The following POLQ variants were observed in gnomAD, a reference collection of about 807,000 sequenced individuals.
The protein encoded by POLQ is DNA polymerase theta.
A neutral mutation model predicts 259.2 loss-of-function variants in POLQ; 233 were observed. The ratio of observed to expected loss-of-function variants is 0.90; its 90% CI spans 0.81 to 1.00. The LOEUF (loss-of-function observed/expected upper bound fraction) is 1.00. Among genes scored for constraint, POLQ ranks in the 50% least tolerant of loss-of-function variants. The pLI is 0.00. For synonymous variants in POLQ, 1,025 were observed against 1,048.8 expected (o/e 0.98, Z 0.44); for missense variants, 2,871 against 3,051.6 (o/e 0.94, Z 1.39).
At chr3:121,525,707 C>T (rs1269657104) in intron 7 of POLQ, among the ~76,000 whole-genome samples, 1 of 152,158 alleles carries the variant, frequency 6.6e-6, no homozygotes, top group Non-Finnish European at 1.5e-5. Flanking sequence ...AATTAGAATC[C>T]TGCCAAATTG....
intron 19 of POLQ, among the ~76,000 whole-genome samples, chr3:121,476,999 G>A (rs1032604697): frequency 1.3e-5 from 2 of 152,194 alleles, no homozygotes; most frequent in African/African-American, 4.8e-5. Flanking sequence ...ACAAGAGACT[G>A]TATTTCTCCT....
At chr3:121,527,089 C>A (rs758571657) in intron 7 of POLQ, among the ~76,000 whole-genome samples, 1 of 151,852 alleles carries the variant, frequency 6.6e-6, no homozygotes, top group Non-Finnish European at 1.5e-5. Flanking sequence ...GAGATGGAGT[C>A]TCGCTCCATC....
chr3:121,502,324 C>T (rs1020059202), intron 12 of POLQ, among the ~76,000 whole-genome samples: 4 of 152,132 alleles, frequency 2.6e-5, no homozygotes, highest in Non-Finnish European at 5.9e-5. Flanking sequence ...GTGCTTCAGC[C>T]TCCTGAGTAG....
At chr3:121,481,952 G>C in intron 18 of POLQ, 140 bp from the exon 19 acceptor site, 3 of 732,206 alleles carry the variant, frequency 4.1e-6, no homozygotes, top group Non-Finnish European at 6.5e-6. Context: ...GTCTTCCCAG[G>C]AAAGAAGGAA....
At chr3:121,445,479 C>A (rs2047624950) in intron 26 of POLQ, among the ~76,000 whole-genome samples, 1 of 152,138 alleles carries the variant, frequency 6.6e-6, no homozygotes. Context: ...TGTGCTGTCT[C>A]CTTTTTCATT....
In POLQ at chr3:121,483,444, T is replaced by C. The variant is rs769321554; in HGVS notation, c.5912A>G (p.Tyr1971Cys). ...SVVIYDFIQS[Y>C]KILLLSCGIS... ...GCCACAAGAAAGAAGAAGAATTTTA[T>C]AGCTCTGGATGAAGTCATAGATGAC... The change falls in exon 18 of 30, where the codon TAT becomes TGT. Residue 1971 changes from tyrosine to cysteine, a missense_variant. By Grantham distance (194) the Tyr-to-Cys change is radical (BLOSUM62 -2). This residue lies in a region of POLQ where 2,080 missense variants were observed against 2,126.0 expected (regional missense o/e 0.98). Coordinates refer to ENST00000264233, the MANE Select transcript of POLQ (RefSeq NM_199420.4). 5 of 1,595,422 alleles carry C rather than the reference T, an allele frequency of 3.1e-6. No individual in the cohort carries two copies. The highest frequency in any genetic ancestry group is 2.3e-5 in the South Asian group (2 of 86,194).
rs766864085 is a variant in POLQ at position 121,545,790 on chromosome 3, T to C, written c.88A>G (p.Ser30Gly). The C allele has an allele frequency of 8.7e-6, 14 of 1,611,308 alleles. No homozygotes were observed. The African/African-American group carries it at 1.6e-4, about 18-fold the overall frequency. ...FSGSGGDSSA[S>G]PQFLSGSVLS... ...ACGGACCCGGAGAGGAACTGGGGGCTGGCACTGCTGTCACCGCCGCTTCCC... is the reference window on the plus strand; with the variant it reads ...ACGGACCCGGAGAGGAACTGGGGGCCGGCACTGCTGTCACCGCCGCTTCCC... Residue 30 changes from serine (S) to glycine (G), a missense_variant, in exon 1 of 30, where the codon AGC (serine) becomes GGC (glycine). By Grantham distance (56) the Ser-to-Gly change is moderately conservative (BLOSUM62 0). This residue lies in a region of POLQ where 783 missense variants were observed against 906.2 expected (regional missense o/e 0.86). Coordinates refer to ENST00000264233, the MANE Select transcript of POLQ (RefSeq NM_199420.4).
rs1336704413 is a variant in POLQ at position 121,509,654 on chromosome 3, TGAA to T, written c.1863_1865del (p.Ser622del). On this transcript the variant is annotated inframe_deletion, in exon 12 of 30. Transcript: ENST00000264233. Reference sequence around the variant, plus strand: ...TATCTAAAGTATCAGCTGGAGAAAGTGAAGAAGAAAGAGTGGCCGAACCAAGAT... The same window carrying T: ...TATCTAAAGTATCAGCTGGAGAAAGTGAAGAAAGAGTGGCCGAACCAAGAT... 1 of 1,613,800 alleles carries T rather than the reference TGAA, an allele frequency of 6.2e-7. No individual in the cohort carries two copies.
intron 6 of POLQ, among the ~76,000 whole-genome samples, chr3:121,530,846 C>T (rs1312587423): frequency 3.9e-5 from 6 of 152,104 alleles, no homozygotes; most frequent in Non-Finnish European, 7.4e-5. Flanking sequence ...AAAGCTCTAC[C>T]CTCATAATGT....
rs566370751 is a variant in POLQ, at chr3:121,481,884, G to A, written c.5971-72C>T. 229 of 1,348,482 alleles carry A rather than the reference G, an allele frequency of 1.7e-4. 1 individual carries two copies. The highest frequency in any genetic ancestry group is 2.3e-4 in the Non-Finnish European group (224 of 989,308). The allele number at this position is 1,348,482 out of a possible 1,614,324, so 83.5% of individuals were successfully genotyped here. On this transcript the variant is annotated intron_variant, in intron 18 of 29. Transcript: ENST00000264233. ...CACTTATGTACCTCTAAATGAAAAG[G>A]GAAAAAAACAAAGCTCATTTCTAAC...
intron 25 of POLQ, among the ~76,000 whole-genome samples, chr3:121,454,910 C>A (rs140568483): frequency 2.6e-5 from 4 of 152,290 alleles, no homozygotes; most frequent in African/African-American, 9.6e-5. Flanking sequence ...ACTCTCCACC[C>A]CAAATCAATA....
chr3:121,455,002 T>C lies in POLQ; in HGVS notation c.7152+5048A>G, dbSNP rs377716523. On this transcript the variant is annotated intron_variant, in intron 25 of 29. Coordinates refer to ENST00000264233, the MANE Select transcript of POLQ (RefSeq NM_199420.4). ...TGGAAGTATAGCACTCCTCAGCAAATGTAAAAGAACAGAAATTATAATAAA... is the reference window on the plus strand; with the variant it reads ...TGGAAGTATAGCACTCCTCAGCAAACGTAAAAGAACAGAAATTATAATAAA... Among the ~76,000 whole-genome samples the C allele has an allele frequency of 5.1e-4, 77 of 152,114 alleles. No individual in the cohort carries two copies. In the East Asian group the frequency reaches 0.01, roughly 20 times the overall value.
intron 25 of POLQ, among the ~76,000 whole-genome samples, chr3:121,450,659 G>A (rs894448603): frequency 5.3e-5 from 8 of 152,040 alleles, no homozygotes; most frequent in African/African-American, 1.9e-4. Flanking sequence ...GAGAGAACTG[G>A]TGTTAGTCTG....
At chr3:121,476,845 G>T (rs1248033725) in intron 19 of POLQ, 112 bp from the exon 20 acceptor site, 3 of 705,928 alleles carry the variant, frequency 4.2e-6, no homozygotes, top group Non-Finnish European at 6.9e-6. Context: ...TGCTACCAAG[G>T]TATCCTTCAG....
In POLQ at chr3:121,487,887, T is replaced by C; in HGVS notation, c.5044A>G (p.Ile1682Val). ...ACTTGTTTTGTCTCCAAGTTTGAAATAACTTCTTGTTCTTCATTTAACTCT... is the reference window on the plus strand; with the variant it reads ...ACTTGTTTTGTCTCCAAGTTTGAAACAACTTCTTGTTCTTCATTTAACTCT... ...NTELNEEQEVISNLETKQVQG... is the reference protein window; with the variant it reads ...NTELNEEQEVVSNLETKQVQG... The change falls in exon 16 of 30, where the codon ATT becomes GTT. Residue 1682 changes from isoleucine (I) to valine (V), a missense_variant. Physicochemically the swap from Ile to Val is conservative, Grantham distance 29. This residue lies in a region of POLQ where 2,080 missense variants were observed against 2,126.0 expected (regional missense o/e 0.98). Transcript: ENST00000264233. The C allele has an allele frequency of 1.2e-6, 2 of 1,609,570 alleles. No homozygotes were observed. Among genetic ancestry groups the C allele is most frequent in the Non-Finnish European group, 1.7e-6 (2 of 1,178,060 alleles).
chr3:121,467,754 C>T, intron 23 of POLQ, 114 bp from the exon 24 acceptor site: 1 of 1,105,768 alleles, frequency 9.0e-7, no homozygotes, highest in Non-Finnish European at 1.3e-6. Context: ...AAAAACCTTA[C>T]TGAGGGCTGG....
In POLQ at chr3:121,488,418, G is replaced by T. The variant is rs376253101; in HGVS notation, c.4513C>A (p.Pro1505Thr). ...AGGGGTTCTTTCATTTGCATATCAG[G>T]TAATTGTTCTTTTACTAGATAGTCA... ...SDDYLVKEQL[P>T]DMQMKEPLPS... Residue 1505 changes from proline (P) to threonine (T), a missense_variant, in exon 16 of 30, where the codon CCT becomes ACT. Pro to Thr is a conservative substitution (Grantham distance 38). Coordinates refer to ENST00000264233, the MANE Select transcript of POLQ (RefSeq NM_199420.4). The T allele has an allele frequency of 9.3e-6, 15 of 1,612,644 alleles. No homozygotes were observed. The highest frequency in any genetic ancestry group is 1.3e-5 in the Non-Finnish European group (15 of 1,179,084).
At chr3:121,514,546 T>C (rs1003118314) in intron 9 of POLQ, among the ~76,000 whole-genome samples, 1 of 152,044 alleles carries the variant, frequency 6.6e-6, no homozygotes, top group Admixed American at 6.6e-5. Context: ...TCATGGCTTC[T>C]ACAGTGGGAA....
chr3:121,540,914 CAG>C (rs1228014801), intron 3 of POLQ, among the ~76,000 whole-genome samples: 1 of 143,740 alleles, frequency 7.0e-6, no homozygotes, highest in African/African-American at 2.6e-5. Context: ...TTTTTTGAGA[CAG>C]AGTCTTACTC....
Sources: gnomAD v4.1 joint callset for allele counts (sites outside exome capture counted in the v4.1 genomes callset) on GRCh38, gnomAD v4.1.1 for gene constraint, gnomAD v4.1.1 regional missense constraint, MANE v1.5 for transcripts, NCBI Gene and HGNC (gene_info 2026-07-23, HGNC 2026-07-21) for gene names.